The following CD109 variants were observed in gnomAD, a reference collection of about 807,000 sequenced individuals.
The protein encoded by CD109 is CD109 molecule.
A neutral mutation model predicts 165.8 loss-of-function variants in CD109; 149 were observed. That is an observed-to-expected ratio of 0.90 (90% CI 0.79 to 1.03). The LOEUF (loss-of-function observed/expected upper bound fraction) is 1.03. Among genes scored for constraint, CD109 ranks in the 50% least tolerant of loss-of-function variants. The pLI is 0.00. For synonymous variants in CD109, 585 were observed against 592.1 expected, an observed-to-expected ratio of 0.99 and a Z score of 0.18; for missense variants, 1,712 against 1,677.8, an observed-to-expected ratio of 1.02 and a Z score of -0.36.
chr6:73,752,420 A>G (rs1773228114), intron 5 of CD109, among the ~76,000 whole-genome samples: 1 of 152,176 alleles, frequency 6.6e-6, no homozygotes, highest in African/African-American at 2.4e-5. Flanking sequence ...GGTAAAAATA[A>G]TGTGTTTTCT....
At chr6:73,682,338 C>T in the CD109 span, among the ~76,000 whole-genome samples, 6 of 152,298 alleles carry the variant, frequency 3.9e-5, no homozygotes, top group African/African-American at 1.2e-4. Context: ...CTACACGTCC[C>T]ATGCAAGTCC....
chr6:73,721,488 C>G (rs1462263941), intron 2 of CD109, among the ~76,000 whole-genome samples: 1 of 151,646 alleles, frequency 6.6e-6, no homozygotes, highest in East Asian at 1.9e-4. Context: ...CCTCAGCCTC[C>G]CGAGTAGCTA....
At chr6:73,790,321 C>T (rs1249537505) in intron 22 of CD109, among the ~76,000 whole-genome samples, 1 of 152,022 alleles carries the variant, frequency 6.6e-6, no homozygotes. Flanking sequence ...GTCTCAAACC[C>T]CTCACCTCAG....
intron 29 of CD109, among the ~76,000 whole-genome samples, chr6:73,813,861 G>A (rs1304010359): frequency 1.3e-5 from 2 of 152,002 alleles, no homozygotes; most frequent in Admixed American, 1.3e-4. Context: ...TCTCTAAAGG[G>A]ACAATTGCAT....
At chr6:73,774,352 A>C (rs1404793393) in intron 15 of CD109, among the ~76,000 whole-genome samples, 1 of 152,214 alleles carries the variant, frequency 6.6e-6, no homozygotes, top group African/African-American at 2.4e-5. Context: ...GGAGAGGACT[A>C]GCCTCATGGA....
chr6:73,698,809 A>G (rs998957118), intron 2 of CD109, among the ~76,000 whole-genome samples: 2 of 152,192 alleles, frequency 1.3e-5, no homozygotes, highest in Non-Finnish European at 2.9e-5. Context: ...GTTAGCCCTT[A>G]AGATCTGAGT....
intron 22 of CD109, among the ~76,000 whole-genome samples, chr6:73,790,983 A>G (rs1774906423): frequency 6.6e-6 from 1 of 151,802 alleles, no homozygotes; most frequent in South Asian, 2.1e-4. Flanking sequence ...ATGACGTCTA[A>G]TAGTTTGTTA....
intron 15 of CD109, among the ~76,000 whole-genome samples, chr6:73,776,847 T>C (rs911946147): frequency 6.6e-6 from 1 of 151,634 alleles, no homozygotes; most frequent in African/African-American, 2.4e-5. Context: ...GTGAGCACTG[T>C]GCCTGGTGGC....
At chr6:73,752,526 A>C (rs1191267035) in intron 5 of CD109, among the ~76,000 whole-genome samples, 1 of 152,246 alleles carries the variant, frequency 6.6e-6, no homozygotes, top group Non-Finnish European at 1.5e-5. Flanking sequence ...GAGGTTGCTA[A>C]GAATACCTGC....
At chr6:73,742,974 T>A (rs1374300665) in intron 5 of CD109, among the ~76,000 whole-genome samples, 2 of 152,214 alleles carry the variant, frequency 1.3e-5, no homozygotes, top group Non-Finnish European at 2.9e-5. Context: ...ATCTTTAGAA[T>A]CCATCTTTTC....
At chr6:73,810,704 A>G (rs183333213) in intron 27 of CD109, among the ~76,000 whole-genome samples, 6 of 152,232 alleles carry the variant, frequency 3.9e-5, no homozygotes, top group African/African-American at 1.4e-4. Context: ...CATTGTATCT[A>G]TATATAAGCA....
At chr6:73,694,138 C>T (rs897688954), upstream of CD109, 2 of 152,200 alleles carry the variant, frequency 1.3e-5, no homozygotes, top group East Asian at 1.9e-4. Context: ...ATCCACCCGC[C>T]TCGGTCTCCC....
intron 17 of CD109, 22 bp downstream of exon 17, chr6:73,781,341 G>T: frequency 1.1e-5 from 17 of 1,587,004 alleles, no homozygotes; most frequent in Non-Finnish European, 1.5e-5. Flanking sequence ...ATGGCGACAT[G>T]CTTGTATTTG....
intron 7 of CD109, among the ~76,000 whole-genome samples, chr6:73,761,987 C>A (rs1239550406): frequency 6.6e-6 from 1 of 151,056 alleles, no homozygotes; most frequent in Non-Finnish European, 1.5e-5. Context: ...CAGAGTCTTG[C>A]TGTCTTGCTG....
chr6:73,682,215 C>T, the CD109 span, among the ~76,000 whole-genome samples: 17 of 152,306 alleles, frequency 1.1e-4, no homozygotes, highest in African/African-American at 3.9e-4. Flanking sequence ...TCCCTTCTGC[C>T]TCTGAACCTG....
Position 73,793,219 on chromosome 6 carries a change from A to G in CD109, c.2878+417A>G, listed in dbSNP as rs1424320827. 2.0e-5 allele frequency among the ~76,000 whole-genome samples: 3 copies of G among 152,216 alleles called. No homozygotes were observed. The East Asian group carries it at 5.8e-4, about 29-fold the overall frequency. ...CTCTTCTTAAAGAATTCGCTGCTCA[A>G]TGGAGAAGATGGTTTGTATGTAAAC... is the stretch of plus-strand genomic sequence containing the variant. On this transcript the variant is annotated intron_variant, in intron 23 of 32. Transcript: ENST00000287097.
chr6:73,742,716 C>T (rs1582089977), intron 5 of CD109, among the ~76,000 whole-genome samples: 1 of 152,202 alleles, frequency 6.6e-6, no homozygotes, highest in East Asian at 1.9e-4. Context: ...TCTAGAGTGG[C>T]TTAGGCATTT....
At chr6:73,801,850 A>G (rs568312478) in intron 23 of CD109, among the ~76,000 whole-genome samples, 1 of 152,362 alleles carries the variant, frequency 6.6e-6, no homozygotes, top group South Asian at 2.1e-4. Flanking sequence ...TGCAAAGCTC[A>G]GGCTGTGTGC....
chr6:73,730,476 A>G lies in CD109; in HGVS notation c.409A>G (p.Lys137Glu), dbSNP rs1772323583. The G allele has an allele frequency of 6.2e-7, 1 of 1,613,942 alleles. No individual in the cohort carries two copies. The highest frequency in any genetic ancestry group is 8.5e-7 in the Non-Finnish European group (1 of 1,179,816). ...KRISVFIQTD[K>E]ALYKPKQEVK... is the part of the protein sequence containing the mutation. Reference sequence around the variant, plus strand: ...AATATCTGTCTTCATTCAAACAGACAAGGCCTTATACAAGCCAAAGCAAGA... The same window carrying G: ...AATATCTGTCTTCATTCAAACAGACGAGGCCTTATACAAGCCAAAGCAAGA... Residue 137 changes from lysine (K) to glutamate (E), a missense_variant, in exon 4 of 33, where the codon AAG becomes GAG. Lys to Glu is a moderately conservative substitution (Grantham distance 56). Transcript: ENST00000287097.
Sources: allele counts gnomAD v4.1 joint callset (sites outside exome capture counted in the v4.1 genomes callset), GRCh38; gene constraint gnomAD v4.1.1; transcripts MANE v1.5; gene names NCBI Gene and HGNC (gene_info 2026-07-23, HGNC 2026-07-21).